KCNAB2: variants seen among roughly 807,000 people sequenced by gnomAD.
The protein encoded by KCNAB2 is potassium voltage-gated channel subfamily A regulatory beta subunit 2.
Under a neutral mutation model 63.6 loss-of-function variants are expected in KCNAB2, and 29 were observed. The ratio of observed to expected loss-of-function variants is 0.46; its 90% CI spans 0.34 to 0.62. The LOEUF is 0.62. KCNAB2 is among the 20% of genes least tolerant of loss of function. The pLI is 0.01. For missense variants in KCNAB2, 359 were observed against 563.9 expected (o/e 0.64, Z 3.68); for synonymous variants, 222 against 224.2 (o/e 0.99, Z 0.09).
chr1:6,068,136 A>G (rs973478330), intron 2 of KCNAB2, among the ~76,000 whole-genome samples: 2 of 152,252 alleles, frequency 1.3e-5, no homozygotes, highest in African/African-American at 4.8e-5. Flanking sequence ...ATCTCAAAGG[A>G]GTTAAAAGCG....
intron 1 of KCNAB2, among the ~76,000 whole-genome samples, chr1:6,019,590 A>G (rs1333587047): frequency 5.9e-5 from 9 of 152,192 alleles, no homozygotes; most frequent in Non-Finnish European, 1.5e-5. Context: ...TGGGCACTGG[A>G]GCACCGGACT....
intron 1 of KCNAB2, among the ~76,000 whole-genome samples, chr1:5,997,912 C>G (rs1032863140): frequency 2.0e-5 from 3 of 152,200 alleles, no homozygotes; most frequent in Non-Finnish European, 2.9e-5. Flanking sequence ...ATTTGAAGGA[C>G]CAAGAATGAG....
chr1:6,048,265 G>A (rs1396442559), intron 1 of KCNAB2, among the ~76,000 whole-genome samples: 1 of 152,182 alleles, frequency 6.6e-6, no homozygotes, highest in Non-Finnish European at 1.5e-5. Context: ...CCCTGGTGGT[G>A]GATTTTTCTT....
Position 6,035,030 on chromosome 1 carries a change from G to A in KCNAB2, c.-53+236G>A, listed in dbSNP as rs879751889. 1.3e-5 allele frequency among the ~76,000 whole-genome samples: 2 copies of A among 152,276 alleles called. No individual in the cohort carries two copies. The highest frequency in any genetic ancestry group is 1.5e-5 in the Non-Finnish European group (1 of 68,020). Reference sequence around the variant, plus strand: ...GGAGTGTGGGGGAGACGGGGACTGCGATGAAAGGGAGGCGTCCAGGGAAGA... The same window carrying A: ...GGAGTGTGGGGGAGACGGGGACTGCAATGAAAGGGAGGCGTCCAGGGAAGA... On this transcript the variant is annotated intron_variant, in intron 1 of 15. Coordinates refer to the KCNAB2 transcript ENST00000164247. The surrounding 1 kb of genome is among the most constrained non-coding windows in gnomAD (Gnocchi z 5.0).
At chr1:6,037,303 G>T (rs1660119481) in intron 1 of KCNAB2, among the ~76,000 whole-genome samples, 1 of 152,218 alleles carries the variant, frequency 6.6e-6, no homozygotes, top group South Asian at 2.1e-4. Context: ...GTGTGGGGTG[G>T]GCTACATGCC....
At position 6,003,988 on chromosome 1, in the gene KCNAB2, C is replaced by T. The variant is rs561726248; in HGVS notation, c.-53+11200C>T. Among the ~76,000 whole-genome samples the T allele has an allele frequency of 1.3e-5, 2 of 152,300 alleles. No individual in the cohort carries two copies. Among genetic ancestry groups the T allele is most frequent in the South Asian group, 4.1e-4 (2 of 4,826 alleles). ...CATGCCCTGTCACGTGGTCATGGGA[C>T]GGTAATCCTCTTTGAAGCCATTTGT... On this transcript the variant is annotated intron_variant, in intron 1 of 16. Coordinates refer to the KCNAB2 transcript ENST00000341524. The surrounding 1 kb of genome is among the most constrained non-coding windows in gnomAD (Gnocchi z 4.1).
At chr1:6,039,539 A>G (rs1278987363) in intron 1 of KCNAB2, among the ~76,000 whole-genome samples, 1 of 152,186 alleles carries the variant, frequency 6.6e-6, no homozygotes, top group African/African-American at 2.4e-5. Context: ...CTGCTGTAAC[A>G]GCTCATCACA....
rs1048066045 is a variant in KCNAB2, at chr1:6,024,990, ATGGGT to A, written c.-52-15524_-52-15520del. 6.6e-5 allele frequency among the ~76,000 whole-genome samples: 10 copies of A among 152,116 alleles called. No individual in the cohort carries two copies. Among genetic ancestry groups the A allele is most frequent in the African/African-American group, 2.2e-4 (9 of 41,412 alleles). Reference sequence around the variant, plus strand: ...GAGCAAGGCCCAGAGCTGGCTCAACATGGGTTGCTGTCCCCCAGCTCTCCGTCATG... The same window carrying A: ...GAGCAAGGCCCAGAGCTGGCTCAACATGCTGTCCCCCAGCTCTCCGTCATG... On this transcript the variant is annotated intron_variant, in intron 1 of 16. Transcript: ENST00000341524. The surrounding 1 kb of genome is among the most constrained non-coding windows in gnomAD (Gnocchi z 5.4).
At chr1:6,046,454 C>G (rs1413799010) in intron 1 of KCNAB2, among the ~76,000 whole-genome samples, 2 of 152,210 alleles carry the variant, frequency 1.3e-5, no homozygotes, top group African/African-American at 4.8e-5. Flanking sequence ...CAGACCTGCC[C>G]AAGGCTGACT....
At chr1:6,065,070 T>G (rs912854429) in intron 2 of KCNAB2, among the ~76,000 whole-genome samples, 1 of 152,222 alleles carries the variant, frequency 6.6e-6, no homozygotes, top group Non-Finnish European at 1.5e-5. Flanking sequence ...TTTCTGGTGA[T>G]GTTGCTTCTC....
chr1:6,044,624 G>A (rs907174646), upstream of KCNAB2, among the ~76,000 whole-genome samples: 4 of 152,184 alleles, frequency 2.6e-5, no homozygotes, highest in African/African-American at 9.7e-5. Flanking sequence ...ATGGGGCACA[G>A]ATGCACTCAG....
intron 1 of KCNAB2, among the ~76,000 whole-genome samples, chr1:6,020,863 T>C (rs752546533): frequency 3.3e-5 from 5 of 152,174 alleles, no homozygotes; most frequent in African/African-American, 4.8e-5. Context: ...TTTCACCATG[T>C]TGGCCAGGCT....
rs941756170 is a variant in KCNAB2, at chr1:6,078,032, G to A, written c.301-4163G>A. 3.3e-5 allele frequency among the ~76,000 whole-genome samples: 5 copies of A among 149,780 alleles called. No homozygotes were observed. The highest frequency in any genetic ancestry group is 1.0e-4 in the African/African-American group (4 of 39,764). ...CCTAAGTCCAGGAGTCAGCCGGGCCGGGCTTCCTTCTCCCGGCCAGGACCT... is the reference window on the plus strand; with the variant it reads ...CCTAAGTCCAGGAGTCAGCCGGGCCAGGCTTCCTTCTCCCGGCCAGGACCT... On this transcript the variant is annotated intron_variant, in intron 4 of 15. Transcript: ENST00000378083. The surrounding 1 kb of genome is among the most constrained non-coding windows in gnomAD (Gnocchi z 4.2).
intron 6 of KCNAB2, 84 bp downstream of exon 6, chr1:6,085,332 A>G (rs1359019668): frequency 2.5e-6 from 3 of 1,222,550 alleles, no homozygotes; most frequent in Non-Finnish European, 3.6e-6. Flanking sequence ...CCTGTCGTGC[A>G]GTGTCGTAAG....
At chr1:6,065,679 G>GC (rs1418039780) in intron 2 of KCNAB2, among the ~76,000 whole-genome samples, 1 of 152,192 alleles carries the variant, frequency 6.6e-6, no homozygotes. Context: ...GTAACTCACA[G>GC]CCCAGCCCTG....
chr1:6,041,761 G>A, upstream of KCNAB2: 3 of 1,397,628 alleles, frequency 2.1e-6, no homozygotes, highest in South Asian at 1.2e-5. Flanking sequence ...TGCTGGGGTT[G>A]ATGCCAACTG....
At chr1:6,019,560 G>A (rs1435053198) in intron 1 of KCNAB2, among the ~76,000 whole-genome samples, 1 of 152,150 alleles carries the variant, frequency 6.6e-6, no homozygotes, top group Non-Finnish European at 1.5e-5. Context: ...CCGAATGATG[G>A]CTAATTAAGG....
At chr1:6,037,439 G>C (rs1660135826) in intron 1 of KCNAB2, among the ~76,000 whole-genome samples, 1 of 152,206 alleles carries the variant, frequency 6.6e-6, no homozygotes, top group South Asian at 2.1e-4. Flanking sequence ...GACGGGCTGT[G>C]GTGATGACTC....
intron 1 of KCNAB2, among the ~76,000 whole-genome samples, chr1:6,013,746 A>G (rs1264235257): frequency 6.6e-6 from 1 of 151,944 alleles, no homozygotes; most frequent in African/African-American, 2.4e-5. Context: ...GCCCTTGCCC[A>G]GGTGGCCCCA....
Sources: gnomAD v4.1 joint callset for allele counts (sites outside exome capture counted in the v4.1 genomes callset) on GRCh38, gnomAD v4.1.1 for gene constraint, Gnocchi (gnomAD v3.1) non-coding constraint, MANE v1.5 for transcripts, NCBI Gene and HGNC (gene_info 2026-07-23, HGNC 2026-07-21) for gene names.